The following NUDT9 variants were observed in gnomAD, a reference collection of about 807,000 sequenced individuals.
NUDT9 encodes nudix hydrolase 9.
In NUDT9, 31 loss-of-function variants were observed where a neutral mutation model predicts 41.0. The observed-to-expected ratio is 0.76, with a 90% CI of 0.57 to 1.02. The LOEUF (loss-of-function observed/expected upper bound fraction) is 1.02, where lower values mean the gene tolerates loss of function less well. NUDT9 is among the 50% of genes least tolerant of loss of function. NUDT9 has a pLI of 0.00. For missense variants in NUDT9, 380 were observed against 431.4 expected (o/e 0.88, Z 1.06); for synonymous variants, 146 against 147.6 (o/e 0.99, Z 0.08).
In NUDT9 at chr4:87,438,272, T is replaced by G. The variant is rs1320999572; in HGVS notation, c.348-5T>G. On this transcript the variant is annotated splice_region_variant and splice_polypyrimidine_tract_variant and intron_variant, in intron 2 of 7. Coordinates refer to ENST00000302174, the MANE Select transcript of NUDT9 (RefSeq NM_024047.5). ...TCTTATTTTACATTGGTATTCTCATTACAGTGAAAGTAATTTTTCTCCCAA... is the reference window on the plus strand; with the variant it reads ...TCTTATTTTACATTGGTATTCTCATGACAGTGAAAGTAATTTTTCTCCCAA... The G allele has an allele frequency of 6.5e-7, 1 of 1,531,144 alleles. No individual in the cohort carries two copies. Among genetic ancestry groups the G allele is most frequent in the African/African-American group, 1.4e-5 (1 of 73,364 alleles). The allele number at this position is 1,531,144 out of a possible 1,614,324, so 94.8% of individuals were successfully genotyped here.
chr4:87,454,181 A>C lies in NUDT9; in HGVS notation c.790-190A>C, dbSNP rs146167154. ...CCCGGCTATTTACATTTCTTTAAAA[A>C]AATTTTGATAGAAACACATAATGTC... On this transcript the variant is annotated intron_variant, in intron 6 of 7. Coordinates refer to ENST00000302174, the MANE Select transcript of NUDT9 (RefSeq NM_024047.5). Among the ~76,000 whole-genome samples, 303 of 152,314 alleles carry C rather than the reference A, an allele frequency of 2.0e-3. 1 individual carries two copies. The highest frequency in any genetic ancestry group is 7.0e-3 in the African/African-American group (293 of 41,572).
At chr4:87,434,954 T>C (rs534575203) in intron 1 of NUDT9, 27 bp from the exon 2 acceptor site, 2 of 1,585,634 alleles carry the variant, frequency 1.3e-6, no homozygotes, top group East Asian at 4.5e-5. Flanking sequence ...GGTATTTATG[T>C]AAAATGTTTT....
intron 1 of NUDT9, among the ~76,000 whole-genome samples, chr4:87,432,607 C>T (rs1455362496): frequency 6.6e-6 from 1 of 152,088 alleles, no homozygotes; most frequent in South Asian, 2.1e-4. Flanking sequence ...GGAAAAACTT[C>T]CAGTCTTTCA....
chr4:87,425,391 CTTTT>C (rs70957241), intron 1 of NUDT9, among the ~76,000 whole-genome samples: 33 of 116,728 alleles, frequency 2.8e-4, no homozygotes, highest in Admixed American at 2.8e-4. Flanking sequence ...TGTTCTTTTC[CTTTT>C]TTTTTTTTTT....
chr4:87,436,886 A>G (rs533315584), intron 2 of NUDT9, among the ~76,000 whole-genome samples: 1 of 152,280 alleles, frequency 6.6e-6, no homozygotes, highest in Admixed American at 6.5e-5. Context: ...CTCTTTATTC[A>G]CTGTCAGTGC....
chr4:87,457,841 A>G lies in NUDT9; in HGVS notation c.875-2A>G. On this transcript the variant is annotated splice_acceptor_variant, in intron 7 of 7. Transcript: ENST00000302174. LOFTEE classifies it high-confidence loss of function. ...TGGTGATGGTTTTTCTTTGGCAACC[A>G]GGTGAGATAATGGATAATCTTATGC... The G allele has an allele frequency of 1.2e-6, 2 of 1,608,660 alleles. No individual in the cohort carries two copies. Among genetic ancestry groups the G allele is most frequent in the Non-Finnish European group, 1.7e-6 (2 of 1,178,294 alleles).
chr4:87,423,856 T>C (rs371882686), intron 1 of NUDT9, among the ~76,000 whole-genome samples: 2 of 152,314 alleles, frequency 1.3e-5, no homozygotes. Context: ...AAGGTTTCAG[T>C]TGAGGGCATG....
chr4:87,448,477 A>C (rs1242024149), intron 4 of NUDT9, among the ~76,000 whole-genome samples: 1 of 151,730 alleles, frequency 6.6e-6, no homozygotes, highest in Non-Finnish European at 1.5e-5. Context: ...TTTCACTACC[A>C]GTAATTTTTT....
intron 6 of NUDT9, among the ~76,000 whole-genome samples, chr4:87,453,841 CT>C (rs1436219416): frequency 1.3e-5 from 2 of 150,214 alleles, no homozygotes; most frequent in South Asian, 2.1e-4. Flanking sequence ...ACATTTCTTT[CT>C]TTTTTTCTTT....
chr4:87,439,524 C>T (rs1455991273), intron 3 of NUDT9, among the ~76,000 whole-genome samples: 8 of 151,972 alleles, frequency 5.3e-5, no homozygotes, highest in Non-Finnish European at 8.8e-5. Context: ...GGCTTGGTGG[C>T]GGGTACCTGT....
At chr4:87,425,391 C>CTTTTT (rs70957241) in intron 1 of NUDT9, among the ~76,000 whole-genome samples, 1 of 116,738 alleles carries the variant, frequency 8.6e-6, no homozygotes, top group Non-Finnish European at 1.7e-5. Flanking sequence ...TGTTCTTTTC[C>CTTTTT]TTTTTTTTTT....
intron 1 of NUDT9, among the ~76,000 whole-genome samples, chr4:87,423,629 G>A (rs1721258339): frequency 6.6e-6 from 1 of 152,144 alleles, no homozygotes; most frequent in South Asian, 2.1e-4. Flanking sequence ...AATCTACAAA[G>A]ATGATAATTA....
chr4:87,458,006 C>T lies in NUDT9; in HGVS notation c.1038C>T (p.Asp346=), dbSNP rs759821879. 6.4e-6 allele frequency: 10 copies of T among 1,550,704 alleles called. No individual in the cohort carries two copies. In the Middle Eastern group the frequency reaches 6.9e-4, roughly 107 times the overall value. Residue 346 remains aspartate (D), a synonymous_variant, in exon 8 of 8, where the codon GAC becomes GAT. Transcript: ENST00000302174. Reference sequence around the variant, plus strand: ...ACTGGAGCGAGGACTCTGAAGCTGACTGCCATGCGTTGTAGCTGATGGTCT... The same window carrying T: ...ACTGGAGCGAGGACTCTGAAGCTGATTGCCATGCGTTGTAGCTGATGGTCT... ...DAHWSEDSEA[D]CHAL is the part of the protein sequence containing the mutation.
At chr4:87,429,678 C>T (rs1241206825) in intron 1 of NUDT9, among the ~76,000 whole-genome samples, 1 of 146,038 alleles carries the variant, frequency 6.8e-6, no homozygotes, top group Non-Finnish European at 1.5e-5. Context: ...TTCTCCTTTT[C>T]TCTCTCCCCG....
chr4:87,427,912 A>G (rs1250815163), intron 1 of NUDT9, among the ~76,000 whole-genome samples: 1 of 152,162 alleles, frequency 6.6e-6, no homozygotes, highest in Non-Finnish European at 1.5e-5. Flanking sequence ...TCATATATGT[A>G]TTCATTTTTT....
chr4:87,430,955 T>C (rs537518187), intron 1 of NUDT9, among the ~76,000 whole-genome samples: 1 of 152,338 alleles, frequency 6.6e-6, no homozygotes, highest in Admixed American at 6.5e-5. Flanking sequence ...TAGTCCAGCT[T>C]ACCAATTTTT....
At chr4:87,450,386 T>C (rs1722658195) in intron 5 of NUDT9, among the ~76,000 whole-genome samples, 1 of 144,380 alleles carries the variant, frequency 6.9e-6, no homozygotes, top group Non-Finnish European at 1.5e-5. Flanking sequence ...TTCTTTTTTT[T>C]TTTTTTTTTT....
At chr4:87,433,534 T>G (rs984316992) in intron 1 of NUDT9, among the ~76,000 whole-genome samples, 10 of 152,176 alleles carry the variant, frequency 6.6e-5, no homozygotes, top group African/African-American at 2.4e-4. Context: ...ACAACCTTGG[T>G]CAAGTGGATA....
intron 1 of NUDT9, among the ~76,000 whole-genome samples, chr4:87,433,822 C>T (rs1185383184): frequency 6.6e-6 from 1 of 151,988 alleles, no homozygotes; most frequent in African/African-American, 2.4e-5. Flanking sequence ...TATTTCATGC[C>T]TGTATATTTT....
Sources: allele counts gnomAD v4.1 joint callset (sites outside exome capture counted in the v4.1 genomes callset), GRCh38; gene constraint gnomAD v4.1.1; transcripts MANE v1.5; gene names NCBI Gene and HGNC (gene_info 2026-07-23, HGNC 2026-07-21).